EPS15: variants seen among roughly 807,000 people sequenced by gnomAD.
The protein encoded by EPS15 is epidermal growth factor receptor substrate 15.
EPS15 carries 72 observed loss-of-function variants against 113.8 expected under a neutral mutation model. The observed-to-expected ratio is 0.63, with a 90% CI of 0.52 to 0.77. The LOEUF (loss-of-function observed/expected upper bound fraction) is 0.77. Ranked by LOEUF, EPS15 falls within the 30% of genes least tolerant of loss-of-function variation. The pLI is 0.00. For synonymous variants in EPS15, 344 were observed against 363.4 expected (o/e 0.95, Z 0.61); for missense variants, 1,048 against 1,045.8 (o/e 1.00, Z -0.03).
At chr1:51,377,306 T>A (rs1373759068) in intron 21 of EPS15, among the ~76,000 whole-genome samples, 2 of 151,770 alleles carry the variant, frequency 1.3e-5, no homozygotes, top group East Asian at 3.9e-4. Context: ...TGGAAGGAGG[T>A]GAAAATAGCA....
At chr1:51,461,035 T>C (rs1654397959) in intron 8 of EPS15, 56 bp downstream of exon 8, 1 of 1,140,838 alleles carries the variant, frequency 8.8e-7, no homozygotes, top group Admixed American at 1.8e-5. Context: ...AGAGGAAATT[T>C]GCACATGAGA....
intron 8 of EPS15, among the ~76,000 whole-genome samples, chr1:51,448,514 T>C (rs555278083): frequency 1.3e-5 from 2 of 151,116 alleles, no homozygotes; most frequent in Non-Finnish European, 3.0e-5. Context: ...GGAAAAAGAG[T>C]TTGAAGAGAT....
At chr1:51,410,414 T>C (rs542821716) in intron 13 of EPS15, among the ~76,000 whole-genome samples, 1 of 151,012 alleles carries the variant, frequency 6.6e-6, no homozygotes, top group South Asian at 2.1e-4. Context: ...AAAGAAAAAT[T>C]AATTCCAGGT....
chr1:51,496,435 A>G (rs752814339), intron 1 of EPS15, among the ~76,000 whole-genome samples: 1 of 152,210 alleles, frequency 6.6e-6, no homozygotes, highest in Non-Finnish European at 1.5e-5. Context: ...TTTAGTTGTA[A>G]GTGCCACCTT....
At chr1:51,500,349 T>C (rs1218143847) in intron 1 of EPS15, among the ~76,000 whole-genome samples, 2 of 152,192 alleles carry the variant, frequency 1.3e-5, no homozygotes, top group Admixed American at 1.3e-4. Context: ...ATGCGGTAAT[T>C]CAATGTTTAA....
chr1:51,459,669 C>T (rs955776086), intron 8 of EPS15, among the ~76,000 whole-genome samples: 17 of 151,946 alleles, frequency 1.1e-4, no homozygotes, highest in Admixed American at 4.6e-4. Context: ...ATTTTATAGA[C>T]TATATTTTTC....
chr1:51,369,168 A>G (rs908366219), intron 21 of EPS15, among the ~76,000 whole-genome samples: 1 of 152,232 alleles, frequency 6.6e-6, no homozygotes, highest in African/African-American at 2.4e-5. Flanking sequence ...TGAAGAATAT[A>G]TAGTACCTTA....
chr1:51,516,342 T>C (rs1368541837), intron 1 of EPS15, among the ~76,000 whole-genome samples: 2 of 152,208 alleles, frequency 1.3e-5, no homozygotes, highest in East Asian at 1.9e-4. Context: ...TGAGTATATA[T>C]ATCCTCAGTA....
intron 13 of EPS15, among the ~76,000 whole-genome samples, chr1:51,412,075 G>T (rs974780248): frequency 6.6e-6 from 1 of 152,154 alleles, no homozygotes; most frequent in Non-Finnish European, 1.5e-5. Flanking sequence ...GATGAAGCTG[G>T]AAACCATCAT....
At chr1:51,390,468 A>T (rs1302236071) in intron 21 of EPS15, among the ~76,000 whole-genome samples, 1 of 152,222 alleles carries the variant, frequency 6.6e-6, no homozygotes, top group Non-Finnish European at 1.5e-5. Flanking sequence ...GACAAATGGG[A>T]TCTCATTAAA....
At position 51,394,421 on chromosome 1, in the gene EPS15, A is replaced by G; in HGVS notation, c.2079T>C (p.Pro693=). ...TSVETLKHND[P]FAPGGTVVAA... ...CAACAACTGTTCCACCAGGAGCAAA[A>G]GGATCATTGTGCTTCAACGTTTCTA... The change falls in exon 21 of 25, where the codon CCT becomes CCC. Residue 693 remains proline, a synonymous_variant. Coordinates refer to ENST00000371733, the MANE Select transcript of EPS15 (RefSeq NM_001981.3). The G allele has an allele frequency of 6.2e-7, 1 of 1,603,732 alleles. No individual in the cohort carries two copies. Among genetic ancestry groups the G allele is most frequent in the Non-Finnish European group, 8.5e-7 (1 of 1,173,008 alleles).
At chr1:51,490,322 C>T in intron 1 of EPS15, 1 of 443,694 alleles carries the variant, frequency 2.3e-6, no homozygotes. Flanking sequence ...TCCCAGCACT[C>T]TGGGCGGCCA....
chr1:51,381,232 C>T (rs911615995), intron 21 of EPS15, among the ~76,000 whole-genome samples: 2 of 152,172 alleles, frequency 1.3e-5, no homozygotes, highest in African/African-American at 2.4e-5. Context: ...CTAATGTTCT[C>T]CAAGACAGAA....
rs976361166 is a variant in EPS15 at position 51,437,425 on chromosome 1, G to A, written c.1040+2922C>T. Among the ~76,000 whole-genome samples the A allele has an allele frequency of 3.0e-4, 46 of 150,894 alleles. 1 individual carries two copies. The highest frequency in any genetic ancestry group is 2.8e-3 in the Admixed American group (42 of 15,162). On this transcript the variant is annotated intron_variant, in intron 12 of 24. Transcript: ENST00000371733. ...TATAAAGTACTACATTCATTATACA[G>A]TAATTACAATTTCACATCATACATG...
chr1:51,397,941 C>G (rs568833203), intron 20 of EPS15, among the ~76,000 whole-genome samples: 2 of 152,228 alleles, frequency 1.3e-5, no homozygotes, highest in South Asian at 4.1e-4. Context: ...AAACCAAAAA[C>G]CTGCAAAACC....
At chr1:51,384,298 CTTT>C (rs67265512) in intron 21 of EPS15, among the ~76,000 whole-genome samples, 6 of 99,522 alleles carry the variant, frequency 6.0e-5, no homozygotes, top group Admixed American at 1.2e-4. Context: ...TTCTTTCTTT[CTTT>C]TTTTTTTTTT....
At chr1:51,478,800 T>A (rs1256597715) in intron 2 of EPS15, among the ~76,000 whole-genome samples, 3 of 152,256 alleles carry the variant, frequency 2.0e-5, no homozygotes, top group African/African-American at 7.2e-5. Context: ...CTCTTCTGGC[T>A]GGTAGAGTTT....
intron 21 of EPS15, among the ~76,000 whole-genome samples, chr1:51,368,697 A>C (rs1646568339): frequency 1.3e-5 from 2 of 150,532 alleles, no homozygotes; most frequent in South Asian, 4.2e-4. Flanking sequence ...TCCCAGATTC[A>C]AGTGATTCTC....
intron 12 of EPS15, 68 bp downstream of exon 12, chr1:51,440,279 G>GTA: frequency 7.4e-6 from 1 of 135,592 alleles, no homozygotes; most frequent in Non-Finnish European, 1.6e-5. Context: ...TACATGTACT[G>GTA]TGTGTGTGTG....
Sources: allele counts gnomAD v4.1 joint callset (sites outside exome capture counted in the v4.1 genomes callset), GRCh38; gene constraint gnomAD v4.1.1; transcripts MANE v1.5; gene names NCBI Gene and HGNC (gene_info 2026-07-23, HGNC 2026-07-21).